The following SPOPL variants were observed in gnomAD, a reference collection of about 807,000 sequenced individuals.
SPOPL encodes the protein speckle type BTB/POZ protein like.
SPOPL carries 23 observed loss-of-function variants against 53.8 expected under a neutral mutation model. The observed-to-expected ratio is 0.43, with a 90% CI of 0.31 to 0.61. The LOEUF is 0.61. Ranked by LOEUF, SPOPL falls within the 20% of genes least tolerant of loss-of-function variation. SPOPL has a pLI of 0.12. For synonymous variants in SPOPL, 164 were observed against 149.7 expected (o/e 1.10, Z -0.70); for missense variants, 442 against 466.9 (o/e 0.95, Z 0.49).
chr2:138,565,116 T>C (rs1685633088), intron 10 of SPOPL, 123 bp downstream of exon 10: 1 of 1,241,396 alleles, frequency 8.1e-7, no homozygotes, highest in African/African-American at 1.5e-5. Context: ...AACTGCCAGT[T>C]ATTAAAAACA....
rs1269447791 is a variant in SPOPL, at chr2:138,572,958, T to C, written c.*3878T>C. 1 of 152,428 alleles carries C rather than the reference T, an allele frequency of 6.6e-6. No homozygotes were observed. Among genetic ancestry groups the C allele is most frequent in the African/African-American group, 2.4e-5 (1 of 41,458 alleles). The allele number at this position is 152,428 out of a possible 1,614,324, so 9.4% of individuals were successfully genotyped here. A position where few individuals can be genotyped will look rare whatever the true frequency, so the allele number is the denominator to read the frequency against. ...TTTATCATTGTATACTGTAACCCAG[T>C]AAATTTTGCATTCAGTTTTAAAAAA... On this transcript the variant is annotated 3_prime_UTR_variant, in exon 11 of 11. Coordinates refer to ENST00000280098, the MANE Select transcript of SPOPL (RefSeq NM_001001664.3).
At chr2:138,551,085 T>C in intron 4 of SPOPL, 31 bp downstream of exon 4, 6 of 1,609,962 alleles carry the variant, frequency 3.7e-6, no homozygotes, top group Non-Finnish European at 5.1e-6. Context: ...GTGAAGACAT[T>C]TCTGTATAAC....
Position 138,502,004 on chromosome 2 carries a change from C to A in SPOPL, c.-176C>A, listed in dbSNP as rs1684103890. 1.3e-5 allele frequency: 2 copies of A among 152,774 alleles called. No individual in the cohort carries two copies. The highest frequency in any genetic ancestry group is 2.1e-4 in the South Asian group (1 of 4,852). 9.5% of individuals were successfully genotyped at this position (152,774 alleles called of 1,614,324 possible). ...GGAGGCGGCCGCCACAGGGACTTGC[C>A]GCCATCACCCCTGCTGCCACCACCG... On this transcript the variant is annotated 5_prime_UTR_variant, in exon 1 of 11. Coordinates refer to ENST00000280098, the MANE Select transcript of SPOPL (RefSeq NM_001001664.3).
intron 10 of SPOPL, among the ~76,000 whole-genome samples, chr2:138,567,061 A>G (rs1177194943): frequency 1.3e-5 from 2 of 152,190 alleles, no homozygotes; most frequent in African/African-American, 4.8e-5. Context: ...GTAAATTCCC[A>G]AGTCACAGTG....
chr2:138,559,398 T>C (rs1685497605), intron 7 of SPOPL, 61 bp downstream of exon 7: 5 of 1,485,594 alleles, frequency 3.4e-6, no homozygotes, highest in Non-Finnish European at 4.5e-6. Context: ...TGGGTGTATG[T>C]TTTAAAAGTA....
chr2:138,560,073 T>G (rs1685511725), intron 7 of SPOPL, among the ~76,000 whole-genome samples: 1 of 152,146 alleles, frequency 6.6e-6, no homozygotes, highest in Non-Finnish European at 1.5e-5. Flanking sequence ...TCAGAAAAAT[T>G]TGCTGTCATT....
At chr2:138,546,983 T>G (rs936449953) in intron 1 of SPOPL, among the ~76,000 whole-genome samples, 1 of 152,188 alleles carries the variant, frequency 6.6e-6, no homozygotes, top group Non-Finnish European at 1.5e-5. Context: ...ATTTTATTTT[T>G]GAGATGGAGT....
intron 4 of SPOPL, among the ~76,000 whole-genome samples, chr2:138,551,756 G>C (rs1355250286): frequency 6.6e-6 from 1 of 151,918 alleles, no homozygotes; most frequent in Non-Finnish European, 1.5e-5. Flanking sequence ...CTCACCTTAA[G>C]ATAGTGGAGT....
rs1411579733 is a variant in SPOPL, at chr2:138,572,185, A to G, written c.*3105A>G. 4 of 152,718 alleles carry G rather than the reference A, an allele frequency of 2.6e-5. No homozygotes were observed. The highest frequency in any genetic ancestry group is 2.1e-4 in the South Asian group (1 of 4,826). 9.5% of individuals were successfully genotyped at this position (152,718 alleles called of 1,614,324 possible). ...GCTTTACTTTGGAGGACAATTGATT[A>G]ACAGAGGAAATGATAATTTTCAAAA... On this transcript the variant is annotated 3_prime_UTR_variant, in exon 11 of 11. Coordinates refer to ENST00000280098, the MANE Select transcript of SPOPL (RefSeq NM_001001664.3).
intron 1 of SPOPL, among the ~76,000 whole-genome samples, chr2:138,531,737 C>A (rs1684814189): frequency 6.6e-6 from 1 of 152,008 alleles, no homozygotes; most frequent in Non-Finnish European, 1.5e-5. Flanking sequence ...TCTAGAATTT[C>A]CATTTGATTC....
intron 1 of SPOPL, among the ~76,000 whole-genome samples, chr2:138,507,923 T>C (rs1200926274): frequency 6.6e-6 from 1 of 152,246 alleles, no homozygotes; most frequent in East Asian, 1.9e-4. Flanking sequence ...ACTGATAGCA[T>C]AAATATTTTA....
chr2:138,526,751 G>A (rs1426692595), intron 1 of SPOPL, among the ~76,000 whole-genome samples: 1 of 141,314 alleles, frequency 7.1e-6, no homozygotes, highest in Non-Finnish European at 1.5e-5. Flanking sequence ...TTTTGAGACA[G>A]CGTCTCACTC....
At chr2:138,523,616 G>T (rs1558865104) in intron 1 of SPOPL, among the ~76,000 whole-genome samples, 1 of 152,172 alleles carries the variant, frequency 6.6e-6, no homozygotes, top group Non-Finnish European at 1.5e-5. Flanking sequence ...ATACAGTGGG[G>T]GTACAGGCAT....
intron 3 of SPOPL, 68 bp from the exon 4 acceptor site, chr2:138,550,827 TTCTCTCTC>T (rs66690846): frequency 1.2e-5 from 16 of 1,368,356 alleles, no homozygotes; most frequent in African/African-American, 5.8e-5. Flanking sequence ...CTCTCTCTCT[TTCTCTCTC>T]TCTCTCTCTC....
intron 8 of SPOPL, among the ~76,000 whole-genome samples, chr2:138,562,377 G>A (rs1460878870): frequency 6.6e-6 from 1 of 152,104 alleles, no homozygotes; most frequent in Non-Finnish European, 1.5e-5. Flanking sequence ...ATCACATTAT[G>A]AATATTTAAT....
intron 1 of SPOPL, among the ~76,000 whole-genome samples, chr2:138,507,365 T>G (rs1056448617): frequency 2.6e-5 from 4 of 152,242 alleles, no homozygotes; most frequent in Non-Finnish European, 5.9e-5. Context: ...CACTGAATGC[T>G]AGACTTCTAG....
intron 10 of SPOPL, 22 bp from the exon 11 acceptor site, chr2:138,568,914 A>G (rs1352170794): frequency 3.1e-6 from 5 of 1,612,082 alleles, no homozygotes; most frequent in African/African-American, 2.7e-5. Context: ...TTTAGTAAAT[A>G]TCTTTTAATT....
At chr2:138,557,048 C>T (rs369800216) in intron 5 of SPOPL, among the ~76,000 whole-genome samples, 1 of 151,816 alleles carries the variant, frequency 6.6e-6, no homozygotes, top group Non-Finnish European at 1.5e-5. Context: ...CCCAGCTACT[C>T]GGGAGGCTGA....
At chr2:138,565,511 C>G (rs1685641710) in intron 10 of SPOPL, among the ~76,000 whole-genome samples, 1 of 152,112 alleles carries the variant, frequency 6.6e-6, no homozygotes, top group South Asian at 2.1e-4. Context: ...TGGATAGTTG[C>G]TATATCTTTC....
Sources: gnomAD v4.1 joint callset for allele counts (sites outside exome capture counted in the v4.1 genomes callset) on GRCh38, gnomAD v4.1.1 for gene constraint, MANE v1.5 for transcripts, NCBI Gene and HGNC (gene_info 2026-07-23, HGNC 2026-07-21) for gene names.